NUMBL: variants seen among roughly 807,000 people sequenced by gnomAD.
NUMBL encodes the protein NUMB like endocytic adaptor protein.
A neutral mutation model predicts 48.9 loss-of-function variants in NUMBL; 20 were observed. The observed-to-expected ratio is 0.41, with a 90% CI of 0.29 to 0.59. NUMBL has a LOEUF of 0.59. Among genes scored for constraint, NUMBL ranks in the 20% least tolerant of loss-of-function variants. The pLI, the probability that NUMBL is intolerant of heterozygous loss-of-function variation, is 0.31. For synonymous variants in NUMBL, 340 were observed against 348.7 expected (o/e 0.98, Z 0.28); for missense variants, 660 against 846.2 (o/e 0.78, Z 2.73).
intron 7 of NUMBL, among the ~76,000 whole-genome samples, chr19:40,674,907 G>A (rs2081866621): frequency 6.6e-6 from 1 of 152,148 alleles, no homozygotes; most frequent in South Asian, 2.1e-4. Context: ...GAGAGGCCAA[G>A]GTGGGGGGAT....
rs768355254 is a variant in NUMBL, at chr19:40,684,424, G to A, written c.242C>T (p.Pro81Leu). ...CCTGCCGCGCCCACTCACCCTGACC[G>A]GGAAGCTGCACGTGCCCTTCCGCAC... ...DAVRKGTCSF[P>L]VRYLGHVEVE... The change falls in exon 3 of 10, where the codon CCG becomes CTG. Residue 81 changes from proline (P) to leucine (L), a missense_variant. Coordinates refer to ENST00000252891, the MANE Select transcript of NUMBL (RefSeq NM_004756.5). 5 of 1,565,502 alleles carry A rather than the reference G, an allele frequency of 3.2e-6. No homozygotes were observed. Among genetic ancestry groups the A allele is most frequent in the East Asian group, 4.7e-5 (2 of 42,128 alleles).
intron 6 of NUMBL, among the ~76,000 whole-genome samples, chr19:40,677,918 G>A (rs1390194984): frequency 2.0e-5 from 3 of 152,102 alleles, no homozygotes; most frequent in African/African-American, 7.2e-5. Flanking sequence ...GGGGATGACC[G>A]GGTGGTGGCA....
Position 40,669,947 on chromosome 19 carries a change from A to G in NUMBL, c.1110T>C (p.Ser370=). The G allele has an allele frequency of 1.2e-6, 2 of 1,614,086 alleles. No individual in the cohort carries two copies. Among genetic ancestry groups the G allele is most frequent in the Non-Finnish European group, 1.7e-6 (2 of 1,179,974 alleles). Residue 370 remains serine (S), a synonymous_variant, in exon 9 of 10, where the codon TCT becomes TCC. Coordinates refer to ENST00000252891, the MANE Select transcript of NUMBL (RefSeq NM_004756.5). Reference sequence around the variant, plus strand: ...GTGCTGGCGCTCCAGCACTGGCAAAAGATGAACTGATCTGTGTGCACAGAG... The same window carrying G: ...GTGCTGGCGCTCCAGCACTGGCAAAGGATGAACTGATCTGTGTGCACAGAG... ...INALCTQISS[S]FASAGAPAPG...
rs368643291 is a variant in NUMBL at position 40,669,634 on chromosome 19, G to A, written c.1159+264C>T. On this transcript the variant is annotated intron_variant, in intron 9 of 9. Transcript: ENST00000252891. ...GATTGCATGATTCTCAGGTAATCCC[G>A]TGGCTCTAAGATGATCCATGGATCT... Among the ~76,000 whole-genome samples the A allele has an allele frequency of 1.4e-4, 20 of 144,812 alleles. 1 individual carries two copies. The South Asian group carries it at 4.3e-3, about 31-fold the overall frequency.
intron 8 of NUMBL, among the ~76,000 whole-genome samples, chr19:40,672,999 C>A (rs2081855929): frequency 6.6e-6 from 1 of 152,020 alleles, no homozygotes; most frequent in South Asian, 2.1e-4. Flanking sequence ...CTTATCCATG[C>A]CCGACTTCTT....
chr19:40,690,377 G>A, intron 1 of NUMBL, 83 bp downstream of exon 1: 1 of 817,134 alleles, frequency 1.2e-6, no homozygotes, highest in East Asian at 3.4e-5. Flanking sequence ...TCTCCATCCG[G>A]GCGCCGCGGC....
In NUMBL at chr19:40,667,960, TTGCTGCTGTTGCTGCTGCTGCTGC is replaced by T. The variant is rs781582699; in HGVS notation, c.1314_1337del (p.Gln439_Gln446del). 117 of 1,549,274 alleles carry T rather than the reference TTGCTGCTGTTGCTGCTGCTGCTGC, an allele frequency of 7.6e-5. No individual in the cohort carries two copies. Among genetic ancestry groups the T allele is most frequent in the Middle Eastern group, 1.8e-4 (1 of 5,618 alleles). On this transcript the variant is annotated inframe_deletion, in exon 10 of 10. Coordinates refer to ENST00000252891, the MANE Select transcript of NUMBL (RefSeq NM_004756.5). The surrounding 1 kb of genome is among the most constrained non-coding windows in gnomAD (Gnocchi z 6.1). ...TGGGCACTGGGGCCACTGAGGCTGC[TTGCTGCTGTTGCTGCTGCTGCTGC>T]TGCTGCTGTTGCTGTTGCTGCTGCT...
chr19:40,682,959 G>T lies in NUMBL; in HGVS notation c.259C>A (p.His87Asn). 1.2e-6 allele frequency: 2 copies of T among 1,609,170 alleles called. No individual in the cohort carries two copies. Among genetic ancestry groups the T allele is most frequent in the Middle Eastern group, 3.3e-4 (2 of 6,034 alleles). ...CCCCGGGACTCCTCTACCTCCACGT[G>T]ACCCAGGTACTTGGGTTGGAGGGAA... Reference protein sequence around the residue: ...TCSFPVRYLGHVEVEESRGMH... With the variant: ...TCSFPVRYLGNVEVEESRGMH... The change falls in exon 4 of 10, where the codon CAC becomes AAC. Residue 87 changes from histidine (H) to asparagine (N), a missense_variant. His to Asn is a moderately conservative substitution (Grantham distance 68). Coordinates refer to ENST00000252891, the MANE Select transcript of NUMBL (RefSeq NM_004756.5). The surrounding 1 kb of genome is among the most constrained non-coding windows in gnomAD (Gnocchi z 4.0).
Position 40,667,356 on chromosome 19 carries a change from T to G in NUMBL, c.*112A>C. Reference sequence around the variant, plus strand: ...CGGGGTGGTTGAGGGAGGGGGGTGTTGAGAGGGTGTTGAGGGGCGCAGCCC... The same window carrying G: ...CGGGGTGGTTGAGGGAGGGGGGTGTGGAGAGGGTGTTGAGGGGCGCAGCCC... On this transcript the variant is annotated 3_prime_UTR_variant, in exon 10 of 10. Transcript: ENST00000252891. The surrounding 1 kb of genome is among the most constrained non-coding windows in gnomAD (Gnocchi z 6.1). 7.0e-7 allele frequency: 1 copy of G among 1,425,874 alleles called. No homozygotes were observed. Among genetic ancestry groups the G allele is most frequent in the Non-Finnish European group, 9.3e-7 (1 of 1,071,936 alleles). The allele number at this position is 1,425,874 out of a possible 1,614,324, so 88.3% of individuals were successfully genotyped here.
Position 40,684,341 on chromosome 19 carries a change from A to T in NUMBL, c.249+76T>A, listed in dbSNP as rs1233149379. On this transcript the variant is annotated intron_variant, in intron 3 of 9. Transcript: ENST00000252891. ...AACGACTTGGGCTGGTGTCCCAGCC[A>T]GGCCGCGCACCCGCACAGCACAGCA... The T allele has an allele frequency of 5.5e-6, 8 of 1,453,746 alleles. No individual in the cohort carries two copies. In the Admixed American group the frequency reaches 1.4e-4, roughly 25 times the overall value. The allele number at this position is 1,453,746 out of a possible 1,614,324, so 90.1% of individuals were successfully genotyped here.
At position 40,682,045 on chromosome 19, in the gene NUMBL, T is replaced by C. The variant is rs1211205133; in HGVS notation, c.399+683A>G. Among the ~76,000 whole-genome samples, 1 of 152,198 alleles carries C rather than the reference T, an allele frequency of 6.6e-6. No individual in the cohort carries two copies. Among genetic ancestry groups the C allele is most frequent in the Non-Finnish European group, 1.5e-5 (1 of 68,034 alleles). On this transcript the variant is annotated intron_variant, in intron 5 of 9. Transcript: ENST00000252891. The surrounding 1 kb of genome is among the most constrained non-coding windows in gnomAD (Gnocchi z 4.0). ...TATGTTTCACAGGCTGATCTTGAAC[T>C]CCTGGCTTCAAGGGGCCCTCCCAGC...
chr19:40,674,759 A>G (rs1204599472), intron 7 of NUMBL, among the ~76,000 whole-genome samples: 1 of 152,198 alleles, frequency 6.6e-6, no homozygotes, highest in Non-Finnish European at 1.5e-5. Context: ...TTTGCCAACT[A>G]GAAACCTGGG....
Position 40,667,618 on chromosome 19 carries a change from G to A in NUMBL, c.1680C>T (p.Ala560=). 6.4e-7 allele frequency: 1 copy of A among 1,554,764 alleles called. No homozygotes were observed. Among genetic ancestry groups the A allele is most frequent in the Non-Finnish European group, 8.7e-7 (1 of 1,149,372 alleles). The change falls in exon 10 of 10, where the codon GCC becomes GCT. Residue 560 remains alanine, a synonymous_variant. Coordinates refer to ENST00000252891, the MANE Select transcript of NUMBL (RefSeq NM_004756.5). This position sits in a 1 kb window ranked among gnomAD's most constrained non-coding sequence, Gnocchi z 6.1. ...CAGGCGCTGGCTCAGGGGGCCAGGG[G>A]GCCCCATTGGGGCGAGGGCGGGCCT... The part of the protein sequence containing the change: ...GSQARPRPNG[A]PWPPEPAPAP...
chr19:40,673,361 A>C lies in NUMBL; in HGVS notation c.1019T>G (p.Phe340Cys), dbSNP rs750347390. The C allele has an allele frequency of 6.2e-7, 1 of 1,612,142 alleles. No homozygotes were observed. The highest frequency in any genetic ancestry group is 1.7e-5 in the Admixed American group (1 of 59,910). The change falls in exon 8 of 10, where the codon TTC (phenylalanine) becomes TGC (cysteine). Residue 340 changes from phenylalanine to cysteine, a missense_variant. By Grantham distance (205) the Phe-to-Cys change is radical (BLOSUM62 -2). Around this residue, in one of 3 missense-constraint regions of NUMBL, gnomAD observed 278 missense variants for 420.6 expected, o/e 0.66. Transcript: ENST00000252891. This position sits in a 1 kb window ranked among gnomAD's most constrained non-coding sequence, Gnocchi z 5.9. Reference sequence around the variant, plus strand: ...GGGCTCACCTGTGCCCTTCACCTGGAAGTCAGTGCGGCGCTGCAGCGTGGA... The same window carrying C: ...GGGCTCACCTGTGCCCTTCACCTGGCAGTCAGTGCGGCGCTGCAGCGTGGA... ...LPSTLQRRTD[F>C]QVKGTVPEME...
At chr19:40,669,470 C>CTCTAAGATGAACCACGGA in intron 9 of NUMBL, among the ~76,000 whole-genome samples, 1 of 151,438 alleles carries the variant, frequency 6.6e-6, no homozygotes, top group Non-Finnish European at 1.5e-5. Flanking sequence ...AATCCCATGG[C>CTCTAAGATGAACCACGGA]TCTAAGATGA....
intron 3 of NUMBL, among the ~76,000 whole-genome samples, chr19:40,683,329 T>C (rs1027742926): frequency 1.3e-5 from 2 of 152,168 alleles, no homozygotes. Flanking sequence ...CCTGGGCCAG[T>C]CCCCACAATG....
At chr19:40,678,528 T>C (rs1445579442) in intron 6 of NUMBL, among the ~76,000 whole-genome samples, 3 of 152,082 alleles carry the variant, frequency 2.0e-5, no homozygotes, top group Non-Finnish European at 2.9e-5. Context: ...GAGGTGAAGA[T>C]ACAGAAAGCA....
chr19:40,669,845 G>GGGAT, intron 9 of NUMBL, 53 bp downstream of exon 9: 1 of 1,590,620 alleles, frequency 6.3e-7, no homozygotes, highest in Non-Finnish European at 8.6e-7. Flanking sequence ...GATAGAGGAG[G>GGGAT]GGATACAGGA....
At position 40,679,816 on chromosome 19, in the gene NUMBL, A is replaced by G. The variant is rs146231471; in HGVS notation, c.540+1101T>C. Among the ~76,000 whole-genome samples the G allele has an allele frequency of 7.5e-3, 1,135 of 152,204 alleles. 16 individuals carry two copies. Among genetic ancestry groups the G allele is most frequent in the African/African-American group, 0.026 (1,094 of 41,532 alleles). On this transcript the variant is annotated intron_variant, in intron 6 of 9. Coordinates refer to ENST00000252891, the MANE Select transcript of NUMBL (RefSeq NM_004756.5). ...TTAGTGGTTGCCAGGGGGCTGGGGT[A>G]GTGGGGAGACGGGGTGAATTGATGA...
Sources: gnomAD v4.1 joint callset for allele counts (sites outside exome capture counted in the v4.1 genomes callset) on GRCh38, gnomAD v4.1.1 for gene constraint, gnomAD v4.1.1 regional missense constraint, Gnocchi (gnomAD v3.1) non-coding constraint, MANE v1.5 for transcripts, NCBI Gene and HGNC (gene_info 2026-07-23, HGNC 2026-07-21) for gene names.